Variants in CLIP2 observed in about 807,000 individuals in gnomAD.
CLIP2 encodes the protein CAP-Gly domain containing linker protein 2, also known as CAP-Gly domain-containing linker protein 2.
Under a neutral mutation model 111.7 loss-of-function variants are expected in CLIP2, and 41 were observed. The ratio of observed to expected loss-of-function variants is 0.37; its 90% CI spans 0.29 to 0.48. CLIP2 has a LOEUF of 0.48. Ranked by LOEUF, CLIP2 falls within the 20% of genes least tolerant of loss-of-function variation. CLIP2 has a pLI of 0.99. For synonymous variants in CLIP2, 660 were observed against 644.2 expected, an observed-to-expected ratio of 1.02 and a Z score of -0.37; for missense variants, 1,160 against 1,422.1, an observed-to-expected ratio of 0.82 and a Z score of 2.96.
chr7:74,314,715 C>T (rs1788723693), intron 1 of CLIP2, among the ~76,000 whole-genome samples: 1 of 152,224 alleles, frequency 6.6e-6, no homozygotes, highest in Non-Finnish European at 1.5e-5. Flanking sequence ...CCGAGTCCTG[C>T]CTGCAGCTCT....
intron 4 of CLIP2, among the ~76,000 whole-genome samples, chr7:74,355,802 A>G (rs1193023368): frequency 6.6e-6 from 1 of 152,218 alleles, no homozygotes; most frequent in African/African-American, 2.4e-5. Context: ...AGCAGTCCCC[A>G]TCCCACCCCA....
At chr7:74,293,654 A>G (rs1243330908) in intron 1 of CLIP2, among the ~76,000 whole-genome samples, 1 of 152,204 alleles carries the variant, frequency 6.6e-6, no homozygotes, top group Non-Finnish European at 1.5e-5. Flanking sequence ...AAATCTGGGC[A>G]TTCAGGGAGT....
intron 2 of CLIP2, among the ~76,000 whole-genome samples, chr7:74,328,358 G>T (rs1789178095): frequency 6.6e-6 from 1 of 152,186 alleles, no homozygotes; most frequent in Non-Finnish European, 1.5e-5. Context: ...GATTTTTGGG[G>T]CACTGATGCA....
In CLIP2 at chr7:74,338,940, A is replaced by C. The variant is rs1554732813; in HGVS notation, c.614A>C (p.Asn205Thr). The C allele has an allele frequency of 6.2e-7, 1 of 1,600,288 alleles. No homozygotes were observed. The highest frequency in any genetic ancestry group is 1.1e-5 in the South Asian group (1 of 91,072). Residue 205 changes from asparagine to threonine, a missense_variant, in exon 3 of 17, where the codon AAC becomes ACC. Transcript: ENST00000223398. This position sits in a 1 kb window ranked among gnomAD's most constrained non-coding sequence, Gnocchi z 4.3. ...AAGACTGGCAACGAGTCGGGATCCA[A>C]CCTCTCAGACAGCGGCTCTGTGAAG... ...SVKTGNESGS[N>T]LSDSGSVKRG...
At chr7:74,399,970 C>G (rs1027717336) in intron 14 of CLIP2, among the ~76,000 whole-genome samples, 1 of 151,398 alleles carries the variant, frequency 6.6e-6, no homozygotes, top group Non-Finnish European at 1.5e-5. Context: ...CTGGCTAACA[C>G]GGTGAAACCA....
intron 1 of CLIP2, among the ~76,000 whole-genome samples, chr7:74,297,922 G>C (rs1788219349): frequency 6.6e-6 from 1 of 151,426 alleles, no homozygotes; most frequent in Non-Finnish European, 1.5e-5. Context: ...AAGCGATCCA[G>C]AGGAGGGCAC....
intron 4 of CLIP2, among the ~76,000 whole-genome samples, chr7:74,356,160 C>A (rs2116605749): frequency 6.6e-6 from 1 of 152,320 alleles, no homozygotes; most frequent in Middle Eastern, 3.4e-3. Flanking sequence ...TAATTATTTC[C>A]TACTTCCAAG....
At chr7:74,346,153 A>AT (rs1164794810) in intron 3 of CLIP2, among the ~76,000 whole-genome samples, 5 of 150,952 alleles carry the variant, frequency 3.3e-5, no homozygotes, top group Admixed American at 6.6e-5. Context: ...TAATTTCTTA[A>AT]TTTTTTTTTG....
chr7:74,331,676 T>A (rs1651732952), intron 2 of CLIP2, among the ~76,000 whole-genome samples: 1 of 148,368 alleles, frequency 6.7e-6, no homozygotes, highest in East Asian at 2.0e-4. Context: ...TGGGTCCAAG[T>A]GATTCTCCTG....
At chr7:74,388,944 A>G (rs1791197635) in intron 12 of CLIP2, 159 bp from the exon 13 acceptor site, 1 of 793,046 alleles carries the variant, frequency 1.3e-6, no homozygotes, top group Non-Finnish European at 2.0e-6. Flanking sequence ...TGACAGAGCC[A>G]GACCCAATCT....
At position 74,389,231 on chromosome 7, in the gene CLIP2, A is replaced by G; in HGVS notation, c.2692A>G (p.Ile898Val). 1 of 1,608,980 alleles carries G rather than the reference A, an allele frequency of 6.2e-7. No homozygotes were observed. Among genetic ancestry groups the G allele is most frequent in the Non-Finnish European group, 8.5e-7 (1 of 1,178,046 alleles). ...TGACGCCTCGGGCCAGCTAGTCCTC[A>G]TCAGCCAGGAGCTGCTGCGGAAGGA... is the stretch of plus-strand genomic sequence containing the variant. ...THDASGQLVL[I>V]SQELLRKERS... Residue 898 changes from isoleucine to valine, a missense_variant, in exon 13 of 17, where the codon ATC becomes GTC. Transcript: ENST00000223398.
intron 2 of CLIP2, among the ~76,000 whole-genome samples, chr7:74,318,662 G>A (rs554691645): frequency 2.0e-5 from 3 of 151,552 alleles, no homozygotes; most frequent in African/African-American, 4.8e-5. Flanking sequence ...GCAGTGAGCC[G>A]AGATCACACC....
rs372229960 is a variant in CLIP2 at position 74,361,286 on chromosome 7, C to T, written c.1319+1008C>T. 2.6e-3 allele frequency among the ~76,000 whole-genome samples: 390 copies of T among 147,644 alleles called. 24 individuals carry two copies. The South Asian group carries it at 0.083, about 31-fold the overall frequency. On this transcript the variant is annotated intron_variant, in intron 7 of 16. Transcript: ENST00000223398. ...AGGCTGGAGTACAATGGTGCGATCT[C>T]GGCTCACTGCAATCTCCACCTCCCA...
intron 2 of CLIP2, among the ~76,000 whole-genome samples, chr7:74,329,233 T>A (rs1554731004): frequency 6.6e-6 from 1 of 151,844 alleles, no homozygotes; most frequent in Non-Finnish European, 1.5e-5. Flanking sequence ...GCCATTTTTC[T>A]ATTATTTTAT....
At chr7:74,341,840 CCTCCAGCCAT>C (rs1194362596) in intron 3 of CLIP2, among the ~76,000 whole-genome samples, 1 of 152,090 alleles carries the variant, frequency 6.6e-6, no homozygotes, top group Non-Finnish European at 1.5e-5. Context: ...TAGTCCCTGC[CCTCCAGCCAT>C]CTCCAGCTTA....
chr7:74,353,983 A>G lies in CLIP2; in HGVS notation c.782A>G (p.Asp261Gly). Residue 261 changes from aspartate to glycine, a missense_variant, in exon 4 of 17, where the codon GAT becomes GGT. Around this residue, in one of 5 missense-constraint regions of CLIP2, gnomAD observed 110 missense variants for 185.2 expected, o/e 0.59. Transcript: ENST00000223398. ...CTGGACGAGCCCCTTGGGAAGAATG[A>G]TGGGGCGGTGGCGGGCACCAGGTAT... ...VELDEPLGKN[D>G]GAVAGTRYFQ... 1.2e-6 allele frequency: 2 copies of G among 1,613,434 alleles called. No homozygotes were observed. Among genetic ancestry groups the G allele is most frequent in the Non-Finnish European group, 1.7e-6 (2 of 1,179,548 alleles).
chr7:74,295,770 C>T (rs782242882), intron 1 of CLIP2, among the ~76,000 whole-genome samples: 36 of 151,694 alleles, frequency 2.4e-4, no homozygotes, highest in Non-Finnish European at 4.3e-4. Flanking sequence ...TTTGGGAGGG[C>T]AAGGAGGGAG....
chr7:74,400,566 G>T lies in CLIP2; in HGVS notation c.3066+11G>T, dbSNP rs1452773406. ...CCTGACAAGGCCCAGGTGAGCCGCG[G>T]CTGACAGGGCCCACCAGGAGGCAAG... On this transcript the variant is annotated intron_variant, in intron 15 of 16. Transcript: ENST00000223398. 6.5e-6 allele frequency: 10 copies of T among 1,532,950 alleles called. No individual in the cohort carries two copies. The highest frequency in any genetic ancestry group is 4.2e-5 in the Admixed American group (2 of 47,846). 95.0% of individuals were successfully genotyped at this position (1,532,950 alleles called of 1,614,324 possible). A position where few individuals can be genotyped will look rare whatever the true frequency, so the allele number is the denominator to read the frequency against.
At chr7:74,330,710 A>T (rs1359290389) in intron 2 of CLIP2, among the ~76,000 whole-genome samples, 1 of 152,158 alleles carries the variant, frequency 6.6e-6, no homozygotes, top group Non-Finnish European at 1.5e-5. Flanking sequence ...ACCTGGACAA[A>T]TAATGTTTTA....
Sources: allele counts gnomAD v4.1 joint callset (sites outside exome capture counted in the v4.1 genomes callset), GRCh38; gene constraint gnomAD v4.1.1; regional missense constraint gnomAD v4.1.1; non-coding constraint Gnocchi (gnomAD v3.1); transcripts MANE v1.5; gene names NCBI Gene and HGNC (gene_info 2026-07-23, HGNC 2026-07-21).